MAPK10: variants seen among roughly 807,000 people sequenced by gnomAD.
MAPK10 encodes the protein JNK3 alpha protein kinase.
In MAPK10, 25 loss-of-function variants were observed where a neutral mutation model predicts 59.3. That is an observed-to-expected ratio of 0.42 (90% CI 0.31 to 0.59). The LOEUF (loss-of-function observed/expected upper bound fraction) is 0.59, where lower values mean the gene tolerates loss of function less well. Ranked by LOEUF, MAPK10 falls within the 20% of genes least tolerant of loss-of-function variation. The pLI is 0.15. For missense variants in MAPK10, 351 were observed against 568.9 expected (o/e 0.62, Z 3.90); for synonymous variants, 190 against 200.5 (o/e 0.95, Z 0.44).
At chr4:86,177,730 G>T (rs557090839) in intron 3 of MAPK10, among the ~76,000 whole-genome samples, 2 of 151,976 alleles carry the variant, frequency 1.3e-5, no homozygotes, top group African/African-American at 2.4e-5. Flanking sequence ...GGCTCTTAAA[G>T]GTTACTGCAC....
At chr4:86,071,185 G>T (rs539921474) in intron 9 of MAPK10, among the ~76,000 whole-genome samples, 13 of 152,164 alleles carry the variant, frequency 8.5e-5, no homozygotes, top group Non-Finnish European at 1.8e-4. Flanking sequence ...CTGCATAAAT[G>T]TCTTCTTTTG....
At chr4:86,140,425 T>C (rs955682020) in intron 4 of MAPK10, among the ~76,000 whole-genome samples, 4 of 146,612 alleles carry the variant, frequency 2.7e-5, no homozygotes, top group East Asian at 3.9e-4. Flanking sequence ...CAGTAAACTA[T>C]TGCGAGGACA....
chr4:86,197,120 G>C (rs1264177230), intron 2 of MAPK10, among the ~76,000 whole-genome samples: 1 of 152,124 alleles, frequency 6.6e-6, no homozygotes, highest in East Asian at 1.9e-4. Flanking sequence ...GCTTGATGAG[G>C]ATAGCATTGA....
chr4:86,464,491 T>C (rs2149062864), intron 1 of MAPK10, among the ~76,000 whole-genome samples: 2 of 152,356 alleles, frequency 1.3e-5, no homozygotes, highest in South Asian at 4.1e-4. Flanking sequence ...AACTGATGAC[T>C]TTCTTTACTC....
At chr4:86,277,329 G>A (rs1368030964) in intron 2 of MAPK10, 3 of 151,980 alleles carry the variant, frequency 2.0e-5, no homozygotes, top group Non-Finnish European at 4.4e-5. Flanking sequence ...TACCCACTGG[G>A]GGGAAGAAAA....
intron 1 of MAPK10, among the ~76,000 whole-genome samples, chr4:86,378,999 G>C (rs1464864567): frequency 2.0e-5 from 3 of 152,200 alleles, no homozygotes; most frequent in African/African-American, 7.2e-5. Context: ...AGGGAGCATG[G>C]AACAGTCTGG....
intron 1 of MAPK10, among the ~76,000 whole-genome samples, chr4:86,425,601 C>T (rs1579171975): frequency 1.3e-5 from 2 of 152,208 alleles, no homozygotes; most frequent in Admixed American, 6.5e-5. Context: ...CATTTGAACT[C>T]GTTTATTCCA....
intron 5 of MAPK10, among the ~76,000 whole-genome samples, chr4:86,103,699 T>C (rs1370303655): frequency 3.3e-5 from 5 of 152,054 alleles, no homozygotes; most frequent in African/African-American, 4.8e-5. Context: ...TTATATTTTT[T>C]TTTACTTCTA....
Position 86,017,299 on chromosome 4 carries a change from C to T in MAPK10, c.1324G>A (p.Asp442Asn), listed in dbSNP as rs766651127. 3.1e-6 allele frequency: 5 copies of T among 1,614,096 alleles called. No homozygotes were observed. Among genetic ancestry groups the T allele is most frequent in the South Asian group, 1.1e-5 (1 of 91,060 alleles). ...TCAGTGTCAGATGCCAGGGTCTGGT[C>T]GGTGGACATGGAGGAGATGTCATTG... ...SVNDISSMST[D>N]QTLASDTDSS... The change falls in exon 14 of 14, where the codon GAC becomes AAC. Residue 442 changes from aspartate (D) to asparagine (N), a missense_variant. By Grantham distance (23) the Asp-to-Asn change is conservative. Coordinates refer to ENST00000641462, the MANE Select transcript of MAPK10 (RefSeq NM_138982.4). This position sits in a 1 kb window ranked among gnomAD's most constrained non-coding sequence, Gnocchi z 4.4.
intron 1 of MAPK10, among the ~76,000 whole-genome samples, chr4:86,359,259 TTTTCCTC>T (rs1736006803): frequency 7.5e-6 from 1 of 134,032 alleles, no homozygotes; most frequent in African/African-American, 2.8e-5. Flanking sequence ...GGTGTTTTTT[TTTTCCTC>T]TCTCTCTCTC....
At chr4:86,287,320 C>T (rs2095051822) in intron 2 of MAPK10, among the ~76,000 whole-genome samples, 1 of 152,114 alleles carries the variant, frequency 6.6e-6, no homozygotes, top group Non-Finnish European at 1.5e-5. Flanking sequence ...TTTCTAAGTA[C>T]ATATTAATTA....
At chr4:86,471,227 C>T (rs1197847877) in intron 1 of MAPK10, among the ~76,000 whole-genome samples, 4 of 149,030 alleles carry the variant, frequency 2.7e-5, no homozygotes, top group Non-Finnish European at 1.5e-5. Flanking sequence ...TGAGATCATG[C>T]CATTGCACTC....
intron 1 of MAPK10, among the ~76,000 whole-genome samples, chr4:86,522,582 C>T (rs1267596585): frequency 6.6e-6 from 1 of 152,048 alleles, no homozygotes; most frequent in Non-Finnish European, 1.5e-5. Flanking sequence ...AAAAAATTCT[C>T]CTGTTTTGTT....
At chr4:86,093,436 A>G (rs948168312) in intron 9 of MAPK10, among the ~76,000 whole-genome samples, 3 of 151,946 alleles carry the variant, frequency 2.0e-5, no homozygotes, top group African/African-American at 7.2e-5. Flanking sequence ...TATAATTTTT[A>G]TAAAAATTAT....
At chr4:86,315,143 G>A (rs926376469) in intron 2 of MAPK10, among the ~76,000 whole-genome samples, 7 of 151,932 alleles carry the variant, frequency 4.6e-5, no homozygotes, top group Admixed American at 6.6e-5. Context: ...ATAAGGCACA[G>A]AAAGACAAAC....
chr4:86,351,579 A>AT (rs1171290474), intron 2 of MAPK10, among the ~76,000 whole-genome samples: 5 of 151,932 alleles, frequency 3.3e-5, no homozygotes, highest in Non-Finnish European at 5.9e-5. Flanking sequence ...TTATGCACTT[A>AT]TTTTTTTAAC....
chr4:86,507,242 A>T (rs1046390415), intron 1 of MAPK10, among the ~76,000 whole-genome samples: 5 of 152,098 alleles, frequency 3.3e-5, no homozygotes, highest in African/African-American at 9.7e-5. Flanking sequence ...ATAGTCATTA[A>T]ACATAAAAGA....
intron 1 of MAPK10, among the ~76,000 whole-genome samples, chr4:86,379,443 A>G (rs141805741): frequency 2.8e-4 from 42 of 152,308 alleles, no homozygotes; most frequent in African/African-American, 9.6e-4. Context: ...ATCTCGCCAT[A>G]AACTGGCCCC....
chr4:86,100,917 A>C, intron 8 of MAPK10, 135 bp downstream of exon 8: 1 of 699,308 alleles, frequency 1.4e-6, no homozygotes, highest in Non-Finnish European at 2.3e-6. Context: ...AGTATTAAAA[A>C]AAACCCTGAA....
Sources: allele counts gnomAD v4.1 joint callset (sites outside exome capture counted in the v4.1 genomes callset), GRCh38; gene constraint gnomAD v4.1.1; non-coding constraint Gnocchi (gnomAD v3.1); transcripts MANE v1.5; gene names NCBI Gene and HGNC (gene_info 2026-07-23, HGNC 2026-07-21).